Variants in MOV10 observed in about 807,000 individuals in gnomAD.
MOV10 encodes RNA helicase MOV-10.
Under a neutral mutation model 108.4 loss-of-function variants are expected in MOV10, and 39 were observed. The ratio of observed to expected loss-of-function variants is 0.36; its 90% CI spans 0.28 to 0.47. The LOEUF (loss-of-function observed/expected upper bound fraction) is 0.47, where lower values mean the gene tolerates loss of function less well. Among genes scored for constraint, MOV10 ranks in the 20% least tolerant of loss-of-function variants. The pLI is 1.00. For synonymous variants in MOV10, 490 were observed against 523.1 expected, an observed-to-expected ratio of 0.94 and a Z score of 0.86; for missense variants, 952 against 1,297.6, an observed-to-expected ratio of 0.73 and a Z score of 4.09.
At chr1:112,679,548 G>A (rs1277666127) in intron 2 of MOV10, among the ~76,000 whole-genome samples, 2 of 152,084 alleles carry the variant, frequency 1.3e-5, no homozygotes, top group Non-Finnish European at 2.9e-5. Flanking sequence ...GAGGGAACAA[G>A]ATCAGATTTG....
chr1:112,689,404 C>T lies in MOV10; in HGVS notation c.342-11C>T. The T allele has an allele frequency of 6.3e-7, 1 of 1,597,704 alleles. No individual in the cohort carries two copies. Among genetic ancestry groups the T allele is most frequent in the Non-Finnish European group, 8.6e-7 (1 of 1,165,670 alleles). On this transcript the variant is annotated splice_polypyrimidine_tract_variant and intron_variant, in intron 3 of 20. Transcript: ENST00000369645. ...CCACCCCAACCCCCCCTTGACTCCCCTTCTCCCCAGGGCTGAGTATCTTCA... is the reference window on the plus strand; with the variant it reads ...CCACCCCAACCCCCCCTTGACTCCCTTTCTCCCCAGGGCTGAGTATCTTCA...
At chr1:112,679,220 A>G (rs1162763487) in intron 2 of MOV10, among the ~76,000 whole-genome samples, 1 of 152,116 alleles carries the variant, frequency 6.6e-6, no homozygotes, top group Non-Finnish European at 1.5e-5. Context: ...AAGGCAGGGC[A>G]GTGCAGGCTA....
At chr1:112,678,559 A>G (rs929832758) in intron 2 of MOV10, among the ~76,000 whole-genome samples, 1 of 152,086 alleles carries the variant, frequency 6.6e-6, no homozygotes, top group Non-Finnish European at 1.5e-5. Flanking sequence ...AACCTAGACT[A>G]GATCAAGAAA....
intron 3 of MOV10, 50 bp from the exon 4 acceptor site, chr1:112,689,365 C>G: frequency 6.6e-7 from 1 of 1,519,404 alleles, no homozygotes; most frequent in East Asian, 2.3e-5. Flanking sequence ...GGTAACTCCC[C>G]AGTCAGACCG....
chr1:112,684,677 C>T (rs1672937903), intron 2 of MOV10, among the ~76,000 whole-genome samples: 1 of 152,194 alleles, frequency 6.6e-6, no homozygotes, highest in African/African-American at 2.4e-5. Context: ...TTTATGAGTT[C>T]ACTTTTCCAC....
intron 3 of MOV10, 112 bp from the exon 4 acceptor site, chr1:112,689,303 C>T: frequency 8.0e-7 from 1 of 1,255,258 alleles, no homozygotes; most frequent in Non-Finnish European, 1.1e-6. Context: ...GGGTGAGTTT[C>T]CTAAGCACAG....
intron 2 of MOV10, among the ~76,000 whole-genome samples, chr1:112,685,683 A>T (rs1200951251): frequency 1.3e-5 from 2 of 148,240 alleles, no homozygotes; most frequent in African/African-American, 2.5e-5. Flanking sequence ...AAATAAAATA[A>T]AATATAAAAT....
intron 2 of MOV10, among the ~76,000 whole-genome samples, chr1:112,681,963 T>C (rs1420722525): frequency 2.0e-5 from 3 of 151,876 alleles, no homozygotes; most frequent in Non-Finnish European, 4.4e-5. Context: ...TGGCGCAGTC[T>C]TGGCTCACTG....
At position 112,692,878 on chromosome 1, in the gene MOV10, G is replaced by A. The variant is rs755699762; in HGVS notation, c.1089G>A (p.Val363=). The change falls in exon 7 of 21, where the codon GTG becomes GTA. Residue 363 remains valine, a synonymous_variant. Transcript: ENST00000369645. ...HDIRHYDLES[V]PMTWDPVDQN... is the part of the protein sequence containing the mutation. The stretch of plus-strand genomic sequence containing the variant: ...TCCGGCACTATGACCTGGAGTCGGT[G>A]CCCATGACCTGGGACCCTGTGGACC... 1 of 1,613,572 alleles carries A rather than the reference G, an allele frequency of 6.2e-7. No individual in the cohort carries two copies. Among genetic ancestry groups the A allele is most frequent in the East Asian group, 2.2e-5 (1 of 44,870 alleles).
At position 112,694,538 on chromosome 1, in the gene MOV10, C is replaced by G. The variant is rs747964776; in HGVS notation, c.1381C>G (p.Leu461Val). The G allele has an allele frequency of 6.2e-7, 1 of 1,614,048 alleles. No individual in the cohort carries two copies. Among genetic ancestry groups the G allele is most frequent in the Non-Finnish European group, 8.5e-7 (1 of 1,180,034 alleles). The change falls in exon 9 of 21, where the codon CTG (leucine) becomes GTG (valine). Residue 461 changes from leucine (L) to valine (V), a missense_variant. By Grantham distance (32) the Leu-to-Val change is conservative. Coordinates refer to ENST00000369645, the MANE Select transcript of MOV10 (RefSeq NM_001321324.2). The surrounding 1 kb of genome is among the most constrained non-coding windows in gnomAD (Gnocchi z 4.1). The stretch of plus-strand genomic sequence containing the variant: ...GCCGCTGCGAGTCCAGCACCGTGCC[C>G]TGGAGCTGACAGGGCGCTGGCTGCT... ...RQPLRVQHRA[L>V]ELTGRWLLWP... is the part of the protein sequence containing the mutation.
chr1:112,696,180 G>C lies in MOV10; in HGVS notation c.1812G>C (p.Glu604Asp). ...GCAACTGGGACGCAAAGAAGGGGGAGTATGTATTTCCCGCCAAGAAGAAGC... is the reference window on the plus strand; with the variant it reads ...GCAACTGGGACGCAAAGAAGGGGGACTATGTATTTCCCGCCAAGAAGAAGC... Reference protein sequence around the residue: ...PCCNWDAKKGEYVFPAKKKLQ... With the variant: ...PCCNWDAKKGDYVFPAKKKLQ... Residue 604 changes from glutamate (E) to aspartate (D), a missense_variant, in exon 12 of 21, where the codon GAG becomes GAC. Transcript: ENST00000369645. The C allele has an allele frequency of 6.2e-7, 1 of 1,613,954 alleles. No individual in the cohort carries two copies. The highest frequency in any genetic ancestry group is 8.5e-7 in the Non-Finnish European group (1 of 1,179,922).
intron 3 of MOV10, 106 bp downstream of exon 3, chr1:112,689,244 C>T (rs1673343954): frequency 7.6e-7 from 1 of 1,320,170 alleles, no homozygotes; most frequent in Admixed American, 2.0e-5. Context: ...GAATAAGTCC[C>T]CCTCCTTCAG....
rs138552562 is a variant in MOV10, at chr1:112,686,484, G to T, written c.138-2451G>T. Among the ~76,000 whole-genome samples the T allele has an allele frequency of 3.5e-4, 54 of 152,146 alleles. 1 individual carries two copies. The highest frequency in any genetic ancestry group is 1.2e-3 in the African/African-American group (50 of 41,526). ...TTTCTTGTTTTCCCTTCCTCCCCGG[G>T]TTGTGCTAGTAGCTGCTCTCAACTA... On this transcript the variant is annotated intron_variant, in intron 2 of 20. Coordinates refer to ENST00000369645, the MANE Select transcript of MOV10 (RefSeq NM_001321324.2).
intron 6 of MOV10, 90 bp downstream of exon 6, chr1:112,691,889 C>G: frequency 1.4e-6 from 2 of 1,406,594 alleles, no homozygotes; most frequent in Non-Finnish European, 2.0e-6. Context: ...CTCAGCCTCC[C>G]AGGCTGTATT....
At position 112,698,349 on chromosome 1, in the gene MOV10, C is replaced by G. The variant is rs770646060; in HGVS notation, c.2379C>G (p.Ser793=). ...GKDEREGNSP[S]FFNPEEAATV... ...ATGAGCGTGAAGGCAACAGCCCATCCTTCTTCAACCCTGAAGAGGCTGCCA... is the reference window on the plus strand; with the variant it reads ...ATGAGCGTGAAGGCAACAGCCCATCGTTCTTCAACCCTGAAGAGGCTGCCA... Residue 793 remains serine, a synonymous_variant, in exon 16 of 21, where the codon TCC becomes TCG. Coordinates refer to ENST00000369645, the MANE Select transcript of MOV10 (RefSeq NM_001321324.2). 60 of 1,614,070 alleles carry G rather than the reference C, an allele frequency of 3.7e-5. 1 individual carries two copies. In the South Asian group the frequency reaches 6.0e-4, roughly 16 times the overall value.
At position 112,674,705 on chromosome 1, in the gene MOV10, C is replaced by T. The variant is rs1672035939; in HGVS notation, c.-90C>T. On this transcript the variant is annotated 5_prime_UTR_variant, in exon 1 of 21. It adds an upstream start codon to the 5' untranslated region. Coordinates refer to ENST00000369645, the MANE Select transcript of MOV10 (RefSeq NM_001321324.2). Reference sequence around the variant, plus strand: ...ATGCGAAGAGGGGGAGGGGATAGGACGAAGAAACCGAAGGGAAAGCTCAGG... The same window carrying T: ...ATGCGAAGAGGGGGAGGGGATAGGATGAAGAAACCGAAGGGAAAGCTCAGG... 2.0e-6 allele frequency: 1 copy of T among 504,194 alleles called. No individual in the cohort carries two copies. Among genetic ancestry groups the T allele is most frequent in the African/African-American group, 2.0e-5 (1 of 48,940 alleles). 31.2% of individuals were successfully genotyped at this position (504,194 alleles called of 1,614,324 possible). A position where few individuals can be genotyped will look rare whatever the true frequency, so the allele number is the denominator to read the frequency against.
intron 2 of MOV10, chr1:112,686,968 T>G (rs996539466): frequency 2.2e-6 from 1 of 456,378 alleles, no homozygotes; most frequent in African/African-American, 2.0e-5. Flanking sequence ...GCCTACAGTC[T>G]TGCCTCCAGC....
At position 112,694,076 on chromosome 1, in the gene MOV10, T is replaced by A; in HGVS notation, c.1199T>A (p.Leu400His). 6.2e-7 allele frequency: 1 copy of A among 1,613,840 alleles called. No individual in the cohort carries two copies. The highest frequency in any genetic ancestry group is 1.1e-5 in the South Asian group (1 of 91,062). The change falls in exon 8 of 21, where the codon CTT (leucine) becomes CAT (histidine). Residue 400 changes from leucine to histidine, a missense_variant. Physicochemically the swap from Leu to His is moderately conservative, Grantham distance 99 (BLOSUM62 -3). This residue lies in a region of MOV10 where 453 missense variants were observed against 611.5 expected (regional missense o/e 0.74). Transcript: ENST00000369645. This position sits in a 1 kb window ranked among gnomAD's most constrained non-coding sequence, Gnocchi z 4.1. ...SVLRGDHLFA[L>H]LSSETHQEDP... ...CTACGGGGCGACCACCTGTTTGCCC[T>A]TTTGTCCTCGGAGACACACCAGGAG...
chr1:112,691,838 T>G, intron 6 of MOV10, 39 bp downstream of exon 6: 2 of 1,591,456 alleles, frequency 1.3e-6, no homozygotes, highest in Non-Finnish European at 1.7e-6. Context: ...TCTCCCGTCT[T>G]TTACCTACTG....
Sources: allele counts gnomAD v4.1 joint callset (sites outside exome capture counted in the v4.1 genomes callset), GRCh38; gene constraint gnomAD v4.1.1; regional missense constraint gnomAD v4.1.1; non-coding constraint Gnocchi (gnomAD v3.1); transcripts MANE v1.5; gene names NCBI Gene and HGNC (gene_info 2026-07-23, HGNC 2026-07-21).